The following SLC11A2 variants were observed in gnomAD, a reference collection of about 807,000 sequenced individuals.
The protein encoded by SLC11A2 is solute carrier family 11 member 2, also known as natural resistance-associated macrophage protein 2.
SLC11A2 carries 38 observed loss-of-function variants against 68.0 expected under a neutral mutation model. The ratio of observed to expected loss-of-function variants is 0.56; its 90% CI spans 0.43 to 0.73. SLC11A2 has a LOEUF of 0.73. SLC11A2 is among the 30% of genes least tolerant of loss of function. The pLI, the probability that SLC11A2 is intolerant of heterozygous loss-of-function variation, is 0.00. For missense variants in SLC11A2, 517 were observed against 690.5 expected (o/e 0.75, Z 2.82); for synonymous variants, 242 against 250.6 (o/e 0.97, Z 0.32).
chr12:51,022,687 A>G (rs148931444), intron 1 of SLC11A2, among the ~76,000 whole-genome samples: 3 of 152,340 alleles, frequency 2.0e-5, no homozygotes, highest in African/African-American at 7.2e-5. Flanking sequence ...AAATTAAGAC[A>G]ATATATACTA....
chr12:50,992,914 A>T lies in SLC11A2; in HGVS notation c.1093T>A (p.Cys365Ser), dbSNP rs747145468. 6.2e-7 allele frequency: 1 copy of T among 1,613,958 alleles called. No homozygotes were observed. Among genetic ancestry groups the T allele is most frequent in the Non-Finnish European group, 8.5e-7 (1 of 1,179,968 alleles). The change falls in exon 12 of 16, where the codon TGT becomes AGT. Residue 365 changes from cysteine to serine, a missense_variant. Transcript: ENST00000262052. The part of the protein sequence containing the change: ...DIYKGGVVLG[C>S]YFGPAALYIW... Reference sequence around the variant, plus strand: ...TAGAGTGCAGCAGGCCCAAAGTAACATCCCAGCACAACACCCTGTGAGAGG... The same window carrying T: ...TAGAGTGCAGCAGGCCCAAAGTAACTTCCCAGCACAACACCCTGTGAGAGG...
At chr12:51,001,437 T>C (rs528284794) in intron 5 of SLC11A2, among the ~76,000 whole-genome samples, 7 of 152,048 alleles carry the variant, frequency 4.6e-5, no homozygotes, top group African/African-American at 1.7e-4. Context: ...CTATTGTGTA[T>C]TGGGCTTAAT....
intron 5 of SLC11A2, among the ~76,000 whole-genome samples, chr12:51,003,813 G>C (rs553435606): frequency 6.6e-6 from 1 of 150,920 alleles, no homozygotes; most frequent in African/African-American, 2.4e-5. Flanking sequence ...GGTCGTGCTC[G>C]CCTGTGGTCC....
intron 11 of SLC11A2, among the ~76,000 whole-genome samples, chr12:50,993,822 C>T (rs920854280): frequency 3.3e-5 from 5 of 150,622 alleles, no homozygotes; most frequent in Admixed American, 3.3e-4. Context: ...GAACAAAACT[C>T]CATCTCAAAA....
intron 2 of SLC11A2, chr12:51,009,417 A>C (rs909022949): frequency 1.6e-6 from 1 of 622,110 alleles, no homozygotes; most frequent in Non-Finnish European, 2.2e-6. Flanking sequence ...CCTGCCAGAA[A>C]TACACAGAGC....
At chr12:50,982,325 C>T (rs1940095768), downstream of SLC11A2, among the ~76,000 whole-genome samples, 1 of 152,170 alleles carries the variant, frequency 6.6e-6, no homozygotes, top group African/African-American at 2.4e-5. Context: ...ACCGAAGCTG[C>T]TTTTAAAACA....
chr12:50,963,889 T>C, the SLC11A2 span, among the ~76,000 whole-genome samples: 1 of 152,226 alleles, frequency 6.6e-6, no homozygotes. Flanking sequence ...GACATCCATA[T>C]ATACCTCTAT....
At chr12:50,995,512 C>G in intron 10 of SLC11A2, 117 bp downstream of exon 10, 1 of 1,099,088 alleles carries the variant, frequency 9.1e-7, no homozygotes, top group Non-Finnish European at 1.4e-6. Flanking sequence ...AGACGAGAAG[C>G]TAGAGATTAT....
chr12:50,977,918 G>A (rs1293229539), downstream of SLC11A2, among the ~76,000 whole-genome samples: 1 of 152,166 alleles, frequency 6.6e-6, no homozygotes, highest in African/African-American at 2.4e-5. Context: ...GGCCATCAGA[G>A]AAATGCAAAT....
chr12:50,963,956 T>A, the SLC11A2 span, among the ~76,000 whole-genome samples: 1 of 152,184 alleles, frequency 6.6e-6, no homozygotes. Flanking sequence ...CCCTTGTATA[T>A]CCAAAAGCAT....
intron 1 of SLC11A2, among the ~76,000 whole-genome samples, chr12:51,023,778 C>T (rs965819798): frequency 1.3e-5 from 2 of 152,180 alleles, no homozygotes; most frequent in Admixed American, 6.5e-5. Flanking sequence ...CGGTGGCTGG[C>T]ACCCAGGGGC....
the SLC11A2 span, among the ~76,000 whole-genome samples, chr12:50,964,796 G>C: frequency 5.9e-5 from 9 of 152,222 alleles, no homozygotes; most frequent in African/African-American, 2.2e-4. Flanking sequence ...ACCTGATTAA[G>C]TTTATAGGAA....
intron 12 of SLC11A2, 115 bp downstream of exon 12, chr12:50,992,695 A>T: frequency 8.8e-7 from 1 of 1,135,480 alleles, no homozygotes; most frequent in Non-Finnish European, 1.3e-6. Context: ...TCATGCCATT[A>T]CACTCCAACT....
At chr12:51,011,620 T>G (rs1943245664) in intron 1 of SLC11A2, among the ~76,000 whole-genome samples, 1 of 147,414 alleles carries the variant, frequency 6.8e-6, no homozygotes. Flanking sequence ...TGGAGTGCAG[T>G]GGCACGATCT....
intron 4 of SLC11A2, 115 bp from the exon 5 acceptor site, chr12:51,005,022 G>A: frequency 8.0e-7 from 1 of 1,257,752 alleles, no homozygotes; most frequent in Non-Finnish European, 1.1e-6. Context: ...AAAGAGCCCA[G>A]GTCAAGAATC....
chr12:51,027,919 G>C (rs868403190), upstream of SLC11A2, among the ~76,000 whole-genome samples: 3 of 16,446 alleles, frequency 1.8e-4, no homozygotes, highest in Non-Finnish European at 4.3e-4. Flanking sequence ...AAAAAAAGTG[G>C]GGGGGGGGGG....
At chr12:51,016,669 G>A (rs1341492602) in intron 1 of SLC11A2, among the ~76,000 whole-genome samples, 4 of 118,814 alleles carry the variant, frequency 3.4e-5, no homozygotes, top group African/African-American at 9.6e-5. Context: ...GTGGCAGGGG[G>A]AGACTCCATC....
intron 2 of SLC11A2, chr12:51,009,200 T>G: frequency 1.4e-6 from 2 of 1,471,016 alleles, no homozygotes; most frequent in Non-Finnish European, 1.8e-6. Flanking sequence ...CAGTTCAGGC[T>G]AAACTCTGAA....
chr12:50,965,927 AAGGAGCCCTGGCTCTT>A, the SLC11A2 span, among the ~76,000 whole-genome samples: 2 of 152,192 alleles, frequency 1.3e-5, no homozygotes, highest in Admixed American at 6.5e-5. Context: ...GGAATTGGTC[AAGGAGCCCTGGCTCTT>A]TATTGTGGTG....
Sources: gnomAD v4.1 joint callset for allele counts (sites outside exome capture counted in the v4.1 genomes callset) on GRCh38, gnomAD v4.1.1 for gene constraint, MANE v1.5 for transcripts, NCBI Gene and HGNC (gene_info 2026-07-23, HGNC 2026-07-21) for gene names.